Variants in HNF4G observed in about 807,000 individuals in gnomAD.
The protein encoded by HNF4G is hepatocyte nuclear factor 4-gamma.
HNF4G carries 21 observed loss-of-function variants against 50.9 expected under a neutral mutation model. The ratio of observed to expected loss-of-function variants is 0.41; its 90% confidence interval spans 0.29 to 0.59. The LOEUF (loss-of-function observed/expected upper bound fraction) is 0.59, where lower values mean the gene tolerates loss of function less well. HNF4G is among the 20% of genes least tolerant of loss of function. HNF4G has a pLI of 0.26. For synonymous variants in HNF4G, 198 were observed against 185.6 expected (o/e 1.07, Z -0.54); for missense variants, 527 against 559.4 (o/e 0.94, Z 0.58).
chr8:75,499,601 C>A (rs554784262), intron 2 of HNF4G, among the ~76,000 whole-genome samples: 12 of 151,232 alleles, frequency 7.9e-5, no homozygotes, highest in African/African-American at 2.7e-4. Context: ...CAAAAGAACA[C>A]AGCTGAATGA....
Position 75,539,920 on chromosome 8 carries a change from ACT to A in HNF4G, c.-40_-39del. On this transcript the variant is annotated 5_prime_UTR_variant, in exon 1 of 10. Coordinates refer to ENST00000396423, the MANE Select transcript of HNF4G (RefSeq NM_004133.5). ...AAACACATCAAAACACTCATCACGC[ACT>A]CTGGGCTTGTGGTGCCACTTGTATG... 6.8e-6 allele frequency: 6 copies of A among 876,330 alleles called. No homozygotes were observed. Among genetic ancestry groups the A allele is most frequent in the Non-Finnish European group, 1.2e-5 (6 of 513,856 alleles). 54.3% of individuals were successfully genotyped at this position (876,330 alleles called of 1,614,324 possible).
intron 2 of HNF4G, among the ~76,000 whole-genome samples, chr8:75,490,432 C>T (rs1038558062): frequency 6.6e-6 from 1 of 152,076 alleles, no homozygotes; most frequent in African/African-American, 2.4e-5. Flanking sequence ...TGCCTTTTGT[C>T]ATTGGTTTTT....
chr8:75,523,610 T>C (rs1304945524), intron 2 of HNF4G, among the ~76,000 whole-genome samples: 1 of 152,144 alleles, frequency 6.6e-6, no homozygotes, highest in Non-Finnish European at 1.5e-5. Flanking sequence ...ATGGGGAAAC[T>C]GGTATGTGTA....
At chr8:75,547,508 TTTAAAATCCA>T in intron 2 of HNF4G, 69 bp from the exon 3 acceptor site, 1 of 1,021,904 alleles carries the variant, frequency 9.8e-7, no homozygotes. Flanking sequence ...ACAATACATA[TTTAAAATCCA>T]TTTGTCTGTT....
chr8:75,413,354 G>C (rs1482807939), intron 1 of HNF4G, among the ~76,000 whole-genome samples: 1 of 147,108 alleles, frequency 6.8e-6, no homozygotes, highest in African/African-American at 2.5e-5. Flanking sequence ...GGGTGGGGAG[G>C]GGAATAGTGA....
chr8:75,563,458 A>T (rs1807374231), intron 9 of HNF4G, among the ~76,000 whole-genome samples: 1 of 150,520 alleles, frequency 6.6e-6, no homozygotes, highest in African/African-American at 2.4e-5. Context: ...TATTTTTCAG[A>T]TGCTTTTGAC....
intron 1 of HNF4G, among the ~76,000 whole-genome samples, chr8:75,458,369 C>CTTTTTTTTT (rs61411885): frequency 1.7e-5 from 2 of 117,110 alleles, no homozygotes; most frequent in East Asian, 2.6e-4. Flanking sequence ...AATGGTCTAA[C>CTTTTTTTTT]TTTTTTTTTT....
Position 75,564,326 on chromosome 8 carries a change from T to C in HNF4G, c.*230T>C, listed in dbSNP as rs1359894226. On this transcript the variant is annotated 3_prime_UTR_variant, in exon 10 of 10. Coordinates refer to ENST00000396423, the MANE Select transcript of HNF4G (RefSeq NM_004133.5). ...TGAGTTTGAAGATGTTTATATAGGG[T>C]ATTTTTTCCAACTGCCCCTGCATTG... 2.4e-6 allele frequency: 1 copy of C among 422,364 alleles called. No individual in the cohort carries two copies. The highest frequency in any genetic ancestry group is 2.0e-5 in the African/African-American group (1 of 49,354). 26.2% of individuals were successfully genotyped at this position (422,364 alleles called of 1,614,324 possible). A position where few individuals can be genotyped will look rare whatever the true frequency, so the allele number is the denominator to read the frequency against.
At chr8:75,535,858 G>A (rs1806450457), upstream of HNF4G, among the ~76,000 whole-genome samples, 1 of 151,836 alleles carries the variant, frequency 6.6e-6, no homozygotes, top group Non-Finnish European at 1.5e-5. Context: ...AGATAGAAAT[G>A]TTTCTGCTAT....
intron 2 of HNF4G, among the ~76,000 whole-genome samples, chr8:75,547,318 C>G (rs1028961599): frequency 6.6e-6 from 1 of 152,212 alleles, no homozygotes; most frequent in East Asian, 1.9e-4. Context: ...GTTTGGCTTT[C>G]ATGACTCATG....
At chr8:75,558,430 A>G in intron 6 of HNF4G, 88 bp from the exon 7 acceptor site, 14 of 1,210,092 alleles carry the variant, frequency 1.2e-5, no homozygotes, top group Non-Finnish European at 1.6e-5. Context: ...TATTTTAAAC[A>G]CCGGTTTGTT....
intron 1 of HNF4G, among the ~76,000 whole-genome samples, chr8:75,448,191 C>G (rs963294330): frequency 3.7e-5 from 5 of 135,006 alleles, no homozygotes; most frequent in African/African-American, 1.1e-4. Flanking sequence ...GAACAAAAAA[C>G]CAAACACCGT....
intron 1 of HNF4G, among the ~76,000 whole-genome samples, chr8:75,412,069 T>C (rs1322461913): frequency 6.6e-6 from 1 of 152,142 alleles, no homozygotes; most frequent in Non-Finnish European, 1.5e-5. Context: ...TCTCTAGAGA[T>C]TATTATATTT....
At chr8:75,487,181 C>T (rs1288131994) in intron 1 of HNF4G, among the ~76,000 whole-genome samples, 1 of 152,158 alleles carries the variant, frequency 6.6e-6, no homozygotes, top group Non-Finnish European at 1.5e-5. Flanking sequence ...TTGGGACAGG[C>T]TCCTTTTGCC....
At position 75,489,498 on chromosome 8, in the gene HNF4G, C is replaced by T. The variant is rs187799220; in HGVS notation, c.-143-591C>T. Among the ~76,000 whole-genome samples, 109 of 152,298 alleles carry T rather than the reference C, an allele frequency of 7.2e-4. No individual in the cohort carries two copies. In the East Asian group the frequency reaches 0.018, roughly 26 times the overall value. On this transcript the variant is annotated intron_variant, in intron 1 of 10. Transcript: ENST00000354370. Reference sequence around the variant, plus strand: ...CAACCTTTTTGACCTACCTCCATGGCTCAGATGGAGTGTTTTCCTGTTATA... The same window carrying T: ...CAACCTTTTTGACCTACCTCCATGGTTCAGATGGAGTGTTTTCCTGTTATA...
chr8:75,470,653 A>T (rs1812092456), intron 1 of HNF4G, among the ~76,000 whole-genome samples: 1 of 151,456 alleles, frequency 6.6e-6, no homozygotes, highest in Non-Finnish European at 1.5e-5. Context: ...CCAGTGACAG[A>T]CTACAAAATA....
chr8:75,561,974 G>A (rs1329940830), intron 9 of HNF4G, among the ~76,000 whole-genome samples: 1 of 152,048 alleles, frequency 6.6e-6, no homozygotes, highest in African/African-American at 2.4e-5. Context: ...AATTGCTTCT[G>A]AATTTACTCT....
intron 2 of HNF4G, among the ~76,000 whole-genome samples, chr8:75,512,549 C>T (rs1805785177): frequency 6.6e-6 from 1 of 151,824 alleles, no homozygotes; most frequent in Non-Finnish European, 1.5e-5. Context: ...ACTGCAAGCT[C>T]CGCCTCCCGG....
At chr8:75,481,471 A>G (rs1204274712) in intron 1 of HNF4G, among the ~76,000 whole-genome samples, 1 of 149,284 alleles carries the variant, frequency 6.7e-6, no homozygotes, top group African/African-American at 2.5e-5. Flanking sequence ...CGTTCCCTGG[A>G]ATTTTGAAAA....
Sources: gnomAD v4.1 joint callset for allele counts (sites outside exome capture counted in the v4.1 genomes callset) on GRCh38, gnomAD v4.1.1 for gene constraint, MANE v1.5 for transcripts, NCBI Gene and HGNC (gene_info 2026-07-23, HGNC 2026-07-21) for gene names.